GORAB: variants seen among roughly 807,000 people sequenced by gnomAD.
The protein encoded by GORAB is RAB6-interacting golgin.
GORAB carries 17 observed loss-of-function variants against 29.9 expected under a neutral mutation model. The observed-to-expected ratio is 0.57, with a 90% CI of 0.39 to 0.85. The LOEUF (loss-of-function observed/expected upper bound fraction) is 0.85, where lower values mean the gene tolerates loss of function less well. Ranked by LOEUF, GORAB falls within the 40% of genes least tolerant of loss-of-function variation. The pLI is 0.00. For missense variants in GORAB, 442 were observed against 437.8 expected (o/e 1.01, Z -0.09); for synonymous variants, 183 against 157.2 (o/e 1.16, Z -1.23).
In GORAB at chr1:170,532,186, G is replaced by C. The variant is rs1648714458; in HGVS notation, c.-38G>C. 2 of 1,613,736 alleles carry C rather than the reference G, an allele frequency of 1.2e-6. No homozygotes were observed. Among genetic ancestry groups the C allele is most frequent in the Admixed American group, 1.7e-5 (1 of 60,010 alleles). On this transcript the variant is annotated 5_prime_UTR_variant, in exon 1 of 5. Transcript: ENST00000367763. ...GCAGTGTTGGCAGTCGCGGCTGCGA[G>C]ATTTGGGCACTTTTGGGGGTGCCGG...
At position 170,537,674 on chromosome 1, in the gene GORAB, C is replaced by T. The variant is rs568017852; in HGVS notation, c.62-1536C>T. ...TGATAGCAATTGACTAAAGGTGACTCGGAATTTGCCCCCTTTACACTAGAC... is the reference window on the plus strand; with the variant it reads ...TGATAGCAATTGACTAAAGGTGACTTGGAATTTGCCCCCTTTACACTAGAC... On this transcript the variant is annotated intron_variant, in intron 1 of 4. Transcript: ENST00000367763. 7.9e-5 allele frequency among the ~76,000 whole-genome samples: 12 copies of T among 152,226 alleles called. No individual in the cohort carries two copies. The South Asian group carries it at 1.0e-3, about 13-fold the overall frequency.
At chr1:170,551,992 T>C in intron 4 of GORAB, 23 bp from the exon 5 acceptor site, 1 of 1,601,538 alleles carries the variant, frequency 6.2e-7, no homozygotes, top group Admixed American at 1.7e-5. Context: ...CTGATGGACC[T>C]ATCTTTATAC....
At chr1:170,541,007 G>A (rs1057465027) in intron 2 of GORAB, among the ~76,000 whole-genome samples, 2 of 152,036 alleles carry the variant, frequency 1.3e-5, no homozygotes, top group Admixed American at 6.6e-5. Flanking sequence ...GTTGAAACCA[G>A]CTTGGCCAAC....
At chr1:170,543,735 A>G (rs926724060) in intron 3 of GORAB, among the ~76,000 whole-genome samples, 3 of 152,142 alleles carry the variant, frequency 2.0e-5, no homozygotes, top group Non-Finnish European at 4.4e-5. Flanking sequence ...TTTTACAAAA[A>G]GATGTACAGG....
In GORAB at chr1:170,552,250, T is replaced by C. The variant is rs764253922; in HGVS notation, c.898T>C (p.Ser300Pro). Reference protein sequence around the residue: ...ERLLHEQEVESRRPVVRLERP... With the variant: ...ERLLHEQEVEPRRPVVRLERP... ...ATTGCTACACGAACAAGAAGTAGAA[T>C]CAAGGAGACCAGTGGTTCGTTTAGA... is the stretch of plus-strand genomic sequence containing the variant. The change falls in exon 5 of 5, where the codon TCA becomes CCA. Residue 300 changes from serine (S) to proline (P), a missense_variant. Coordinates refer to ENST00000367763, the MANE Select transcript of GORAB (RefSeq NM_152281.3). 3 of 1,614,072 alleles carry C rather than the reference T, an allele frequency of 1.9e-6. No homozygotes were observed. In the South Asian group the frequency reaches 3.3e-5, roughly 18 times the overall value.
rs555373548 is a variant in GORAB, at chr1:170,552,564, G to A, written c.*102G>A. On this transcript the variant is annotated 3_prime_UTR_variant, in exon 5 of 5. Coordinates refer to ENST00000367763, the MANE Select transcript of GORAB (RefSeq NM_152281.3). ...ATAAAAACCTCTTTAAAACAATGCT[G>A]ATTTTTGAATTCATGATTAGTTTTA... The A allele has an allele frequency of 2.2e-4, 221 of 991,448 alleles. No individual in the cohort carries two copies. Among genetic ancestry groups the A allele is most frequent in the Non-Finnish European group, 3.1e-4 (193 of 626,990 alleles). 61.4% of individuals were successfully genotyped at this position (991,448 alleles called of 1,614,324 possible).
intron 4 of GORAB, among the ~76,000 whole-genome samples, chr1:170,549,069 G>A (rs1288157017): frequency 6.6e-6 from 1 of 152,164 alleles, no homozygotes; most frequent in Non-Finnish European, 1.5e-5. Flanking sequence ...GTTAATGGTT[G>A]AGTTTTTAAA....
At chr1:170,532,453 G>A (rs564700947) in intron 1 of GORAB, 169 bp downstream of exon 1, 15 of 712,034 alleles carry the variant, frequency 2.1e-5, no homozygotes, top group African/African-American at 1.9e-4. Context: ...CTTACTGGGA[G>A]TCACGACGGG....
chr1:170,532,670 T>A, intron 1 of GORAB: 1 of 230,982 alleles, frequency 4.3e-6, no homozygotes. Context: ...GCACACCGTA[T>A]TAGAATTGTG....
Position 170,539,369 on chromosome 1 carries a change from A to C in GORAB, c.221A>C (p.Asn74Thr). ...CTTTCAGCACCAAAACAGAGAGTTA[A>C]CGTTCAAAAACCACCTTTTTCTTCC... ...QLLSAPKQRVNVQKPPFSSPT... is the reference protein window; with the variant it reads ...QLLSAPKQRVTVQKPPFSSPT... The change falls in exon 2 of 5, where the codon AAC (asparagine) becomes ACC (threonine). Residue 74 changes from asparagine to threonine, a missense_variant. Physicochemically the swap from Asn to Thr is moderately conservative, Grantham distance 65. Transcript: ENST00000367763. 6.2e-7 allele frequency: 1 copy of C among 1,614,170 alleles called. No homozygotes were observed. Among genetic ancestry groups the C allele is most frequent in the East Asian group, 2.2e-5 (1 of 44,876 alleles).
Position 170,543,241 on chromosome 1 carries a change from C to A in GORAB, c.521+649C>A, listed in dbSNP as rs530223193. Among the ~76,000 whole-genome samples the A allele has an allele frequency of 3.9e-5, 6 of 152,314 alleles. No homozygotes were observed. The South Asian group carries it at 1.2e-3, about 32-fold the overall frequency. ...TTCCCATTGGAATCATTCTTCCCAT[C>A]CCCCACCACTCTTGCTGAGTTTGTA... On this transcript the variant is annotated intron_variant, in intron 3 of 4. Transcript: ENST00000367763.
chr1:170,545,396 A>T, intron 4 of GORAB: 1 of 948,930 alleles, frequency 1.1e-6, no homozygotes, highest in Non-Finnish European at 1.3e-6. Flanking sequence ...CCTTTCAATT[A>T]TACTCTGTAT....
At chr1:170,538,773 A>G (rs1649208770) in intron 1 of GORAB, among the ~76,000 whole-genome samples, 1 of 152,254 alleles carries the variant, frequency 6.6e-6, no homozygotes, top group African/African-American at 2.4e-5. Context: ...AAAATTTAAG[A>G]GAGGGTAATC....
intron 2 of GORAB, among the ~76,000 whole-genome samples, chr1:170,541,203 CAAAAAAAAAAAAAA>C (rs67384213): frequency 2.2e-5 from 1 of 46,332 alleles, no homozygotes; most frequent in Non-Finnish European, 3.6e-5. Flanking sequence ...GATTCTGTCC[CAAAAAAAAAAAAAA>C]AAAAAAAAAG....
Position 170,545,376 on chromosome 1 carries a change from CT to C in GORAB, c.662+540del, listed in dbSNP as rs200888545. On this transcript the variant is annotated intron_variant, in intron 4 of 4. Coordinates refer to ENST00000367763, the MANE Select transcript of GORAB (RefSeq NM_152281.3). ...GTCTTGGAAATTTGAAATATTTTCTCTTTTTTTTTCCTTTCAATTATACTCT... is the reference window on the plus strand; with the variant it reads ...GTCTTGGAAATTTGAAATATTTTCTCTTTTTTTTCCTTTCAATTATACTCT... 1.3e-3 allele frequency: 1,237 copies of C among 950,370 alleles called. 14 individuals carry two copies. In the African/African-American group the frequency reaches 0.02, roughly 15 times the overall value. 58.9% of individuals were successfully genotyped at this position (950,370 alleles called of 1,614,324 possible).
At chr1:170,533,067 G>T (rs1274742579) in intron 1 of GORAB, among the ~76,000 whole-genome samples, 3 of 152,190 alleles carry the variant, frequency 2.0e-5, no homozygotes, top group African/African-American at 7.2e-5. Context: ...AAATTTCGCA[G>T]TGATCTGTAT....
chr1:170,541,973 A>G (rs1307070052), intron 2 of GORAB, among the ~76,000 whole-genome samples: 1 of 152,182 alleles, frequency 6.6e-6, no homozygotes, highest in Non-Finnish European at 1.5e-5. Flanking sequence ...AGAAAGACAA[A>G]AAAAAGTCTT....
rs11578119 is a variant in GORAB, at chr1:170,532,315, C to T, written c.61+31C>T. 0.33 allele frequency: 538,283 copies of T among 1,610,326 alleles called. 98,586 individuals are homozygous for T. Among genetic ancestry groups the T allele is most frequent in the Non-Finnish European group, 0.38 (450,249 of 1,176,914 alleles). On this transcript the variant is annotated intron_variant, in intron 1 of 4. Transcript: ENST00000367763. ...AAGATGGGTTTACAGTGGTTTAATTCTTGGGTCTTAAGGGGAAGAGGCGGG... is the reference window on the plus strand; with the variant it reads ...AAGATGGGTTTACAGTGGTTTAATTTTTGGGTCTTAAGGGGAAGAGGCGGG...
intron 1 of GORAB, 141 bp downstream of exon 1, chr1:170,532,425 G>C: frequency 2.2e-6 from 2 of 902,214 alleles, no homozygotes; most frequent in African/African-American, 1.6e-5. Flanking sequence ...GACTGGATTA[G>C]GGGGTTTCAG....
Sources: gnomAD v4.1 joint callset for allele counts (sites outside exome capture counted in the v4.1 genomes callset) on GRCh38, gnomAD v4.1.1 for gene constraint, MANE v1.5 for transcripts, NCBI Gene and HGNC (gene_info 2026-07-23, HGNC 2026-07-21) for gene names.